The following MAP3K6 variants were observed in gnomAD, a reference collection of about 807,000 sequenced individuals.
MAP3K6 encodes apoptosis signal-regulating kinase 2.
In MAP3K6, 105 loss-of-function variants were observed where a neutral mutation model predicts 147.1. The ratio of observed to expected loss-of-function variants is 0.71; its 90% CI spans 0.61 to 0.84. MAP3K6 has a LOEUF of 0.84. Ranked by LOEUF, MAP3K6 falls within the 40% of genes least tolerant of loss-of-function variation. The probability of loss-of-function intolerance (pLI) is 0.00; values close to 1 mark genes in which losing one functional copy is unlikely to be tolerated. For missense variants in MAP3K6, 1,569 were observed against 1,715.0 expected (o/e 0.91, Z 1.50); for synonymous variants, 695 against 732.4 (o/e 0.95, Z 0.82).
intron 5 of MAP3K6, among the ~76,000 whole-genome samples, 175 bp from the exon 6 acceptor site, chr1:27,363,723 G>A (rs918909283): frequency 4.6e-5 from 7 of 152,206 alleles, no homozygotes; most frequent in East Asian, 1.9e-4. Context: ...CATGCTGGGC[G>A]TTCCCAACCC....
rs1212855749 is a variant in MAP3K6, at chr1:27,361,718, C to T, written c.1565G>A (p.Gly522Asp). 1 of 1,613,234 alleles carries T rather than the reference C, an allele frequency of 6.2e-7. No individual in the cohort carries two copies. Among genetic ancestry groups the T allele is most frequent in the African/African-American group, 1.3e-5 (1 of 74,930 alleles). ...TACAGGCCTCACCAAGCACTGGTCG[C>T]CCTGGGCACAGGCTGTCTTGAATGG... ...CQPFKTACAQ[G>D]DQCLVLVLEM... Residue 522 changes from glycine to aspartate, a missense_variant, in exon 10 of 29, where the codon GGC becomes GAC. Coordinates refer to ENST00000357582, the MANE Select transcript of MAP3K6 (RefSeq NM_004672.5).
In MAP3K6 at chr1:27,361,366, G is replaced by C; in HGVS notation, c.1716C>G (p.Val572=). 1 of 1,613,966 alleles carries C rather than the reference G, an allele frequency of 6.2e-7. No homozygotes were observed. Among genetic ancestry groups the C allele is most frequent in the Non-Finnish European group, 8.5e-7 (1 of 1,180,006 alleles). The stretch of plus-strand genomic sequence containing the variant: ...ATCACCTGACTCCGCATATGGAGGC[G>C]ACTGGGAAGGTCCAGCTGGAGGGAA... ...QDIPSSWTFP[V]ASICGVSASK... Residue 572 remains valine, a synonymous_variant, in exon 12 of 29, where the codon GTC becomes GTG. Coordinates refer to ENST00000357582, the MANE Select transcript of MAP3K6 (RefSeq NM_004672.5).
In MAP3K6 at chr1:27,359,464, G is replaced by C; in HGVS notation, c.2378C>G (p.Thr793Ser). 1 of 1,614,144 alleles carries C rather than the reference G, an allele frequency of 6.2e-7. No homozygotes were observed. Among genetic ancestry groups the C allele is most frequent in the Non-Finnish European group, 8.5e-7 (1 of 1,180,020 alleles). ...SGLLKISDFG[T>S]SKRLAGITPC... The stretch of plus-strand genomic sequence containing the variant: ...TGTGATGCCTGCCAGCCGCTTGGAG[G>C]TGCCGAAGTCAGAAATCTTGAGCAG... Residue 793 changes from threonine to serine, a missense_variant, in exon 18 of 29, where the codon ACC becomes AGC. Coordinates refer to ENST00000357582, the MANE Select transcript of MAP3K6 (RefSeq NM_004672.5). This position sits in a 1 kb window ranked among gnomAD's most constrained non-coding sequence, Gnocchi z 4.4.
In MAP3K6 at chr1:27,366,258, C is replaced by G; in HGVS notation, c.340G>C (p.Asp114His). Residue 114 changes from aspartate to histidine, a missense_variant and splice_region_variant, in exon 1 of 29, where the codon GAT becomes CAT. Physicochemically the swap from Asp to His is moderately conservative, Grantham distance 81 (BLOSUM62 -1). Transcript: ENST00000357582. The surrounding 1 kb of genome is among the most constrained non-coding windows in gnomAD (Gnocchi z 5.5). ...CCGGCCCCGCCCCCAGCGCTCTCAC[C>G]CGCGTTGTAGAAGGCATCCAGAGCC... ...TAALDAFYNA[D>H]VVVLEVSSSL... The G allele has an allele frequency of 7.5e-7, 1 of 1,327,382 alleles. No homozygotes were observed. The highest frequency in any genetic ancestry group is 9.6e-7 in the Non-Finnish European group (1 of 1,040,184). 82.2% of individuals were successfully genotyped at this position (1,327,382 alleles called of 1,614,324 possible). A position where few individuals can be genotyped will look rare whatever the true frequency, so the allele number is the denominator to read the frequency against.
Position 27,357,103 on chromosome 1 carries a change from G to C in MAP3K6, c.3270C>G (p.Ile1090Met). Residue 1090 changes from isoleucine to methionine, a missense_variant, in exon 24 of 29, where the codon ATC (isoleucine) becomes ATG (methionine). By Grantham distance (10) the Ile-to-Met change is conservative. Transcript: ENST00000357582. The part of the protein sequence containing the change: ...LFAFPDAVKQ[I>M]LRKRQIRPHW... ...GTGGACGGATCTGGCGCTTGCGGAG[G>C]ATCTGCTTCACCTGCAGGGGGAGGG... 6.2e-7 allele frequency: 1 copy of C among 1,613,854 alleles called. No homozygotes were observed. The highest frequency in any genetic ancestry group is 8.5e-7 in the Non-Finnish European group (1 of 1,179,870).
Position 27,360,704 on chromosome 1 carries a change from C to T in MAP3K6, c.2054+1G>A, listed in dbSNP as rs1038006707. The T allele has an allele frequency of 6.2e-7, 1 of 1,610,942 alleles. No individual in the cohort carries two copies. The highest frequency in any genetic ancestry group is 1.3e-5 in the African/African-American group (1 of 75,018). ...CCCACCCGCGCTGCCACGCACCGCA[C>T]CTGCTGTCCCGCTCCGGGATCTCCT... On this transcript the variant is annotated splice_donor_variant, in intron 15 of 28. Coordinates refer to ENST00000357582, the MANE Select transcript of MAP3K6 (RefSeq NM_004672.5). LOFTEE classifies it high-confidence loss of function. The surrounding 1 kb of genome is among the most constrained non-coding windows in gnomAD (Gnocchi z 4.5).
chr1:27,361,584 A>G lies in MAP3K6; in HGVS notation c.1622T>C (p.Leu541Pro). The G allele has an allele frequency of 6.2e-7, 1 of 1,614,176 alleles. No homozygotes were observed. Among genetic ancestry groups the G allele is most frequent in the Non-Finnish European group, 8.5e-7 (1 of 1,180,032 alleles). Residue 541 changes from leucine to proline, a missense_variant, in exon 11 of 29, where the codon CTC (leucine) becomes CCC (proline). Leu to Pro is a moderately conservative substitution (Grantham distance 98). Transcript: ENST00000357582. ...TACTGGGTCAGTACCCCGAACCTCGAGCTTTGCAGGCAGCAGCACCTTGTT... is the reference window on the plus strand; with the variant it reads ...TACTGGGTCAGTACCCCGAACCTCGGGCTTTGCAGGCAGCAGCACCTTGTT... The part of the protein sequence containing the change: ...EMNKVLLPAK[L>P]EVRGTDPVST...
chr1:27,363,486 G>C lies in MAP3K6; in HGVS notation c.927C>G (p.Ala309=), dbSNP rs765261713. The stretch of plus-strand genomic sequence containing the variant: ...AGTGGAAGCAGACATTATGCTGCTC[G>C]GCCACATCACAGGTGGGCAAGGCCT... ...TLQALPTCDV[A]EQHNVCFHYT... Residue 309 remains alanine, a synonymous_variant, in exon 6 of 29, where the codon GCC becomes GCG. Transcript: ENST00000357582. 2 of 1,613,642 alleles carry C rather than the reference G, an allele frequency of 1.2e-6. No homozygotes were observed. The highest frequency in any genetic ancestry group is 1.7e-6 in the Non-Finnish European group (2 of 1,179,812).
rs202164328 is a variant in MAP3K6, at chr1:27,364,922, C to G, written c.341-10G>C. 2.5e-6 allele frequency: 4 copies of G among 1,576,008 alleles called. No homozygotes were observed. The highest frequency in any genetic ancestry group is 3.5e-6 in the Non-Finnish European group (4 of 1,156,650). ...TCCAGCACCACCACATCTGCAGGCA[C>G]AGAGGGGGTGGCGCTGATCCCTGAA... On this transcript the variant is annotated splice_polypyrimidine_tract_variant and intron_variant, in intron 1 of 28. Coordinates refer to ENST00000357582, the MANE Select transcript of MAP3K6 (RefSeq NM_004672.5). The surrounding 1 kb of genome is among the most constrained non-coding windows in gnomAD (Gnocchi z 4.4).
In MAP3K6 at chr1:27,358,768, T is replaced by C; in HGVS notation, c.2524A>G (p.Met842Val). 6.2e-7 allele frequency: 1 copy of C among 1,613,984 alleles called. No individual in the cohort carries two copies. Among genetic ancestry groups the C allele is most frequent in the Non-Finnish European group, 8.5e-7 (1 of 1,179,972 alleles). ...IWSLGCTVIEMATGRPPFHEL... is the reference protein window; with the variant it reads ...IWSLGCTVIEVATGRPPFHEL... ...TGGAAGGGGGGGCGACCTGTGGCCA[T>C]CTCAATGACAGTGCAGCCCAGTGAC... The change falls in exon 19 of 29, where the codon ATG becomes GTG. Residue 842 changes from methionine to valine, a missense_variant. Coordinates refer to ENST00000357582, the MANE Select transcript of MAP3K6 (RefSeq NM_004672.5). This position sits in a 1 kb window ranked among gnomAD's most constrained non-coding sequence, Gnocchi z 6.2.
At position 27,366,420 on chromosome 1, in the gene MAP3K6, C is replaced by G. The variant is rs1490261350; in HGVS notation, c.178G>C (p.Glu60Gln). 1 of 1,223,144 alleles carries G rather than the reference C, an allele frequency of 8.2e-7. No homozygotes were observed. Among genetic ancestry groups the G allele is most frequent in the Non-Finnish European group, 1.0e-6 (1 of 982,278 alleles). 75.8% of individuals were successfully genotyped at this position (1,223,144 alleles called of 1,614,324 possible). A position where few individuals can be genotyped will look rare whatever the true frequency, so the allele number is the denominator to read the frequency against. The change falls in exon 1 of 29, where the codon GAG becomes CAG. Residue 60 changes from glutamate to glutamine, a missense_variant. By Grantham distance (29) the Glu-to-Gln change is conservative (BLOSUM62 2). Coordinates refer to ENST00000357582, the MANE Select transcript of MAP3K6 (RefSeq NM_004672.5). This position sits in a 1 kb window ranked among gnomAD's most constrained non-coding sequence, Gnocchi z 5.5. ...TCCGCCTCGGTTCCCTCCCGAGGCT[C>G]GAGCCCGGGCTGCGGCTCCCGGGTC... ...VLTREPQPGL[E>Q]PREGTEAEPL...
At position 27,364,630 on chromosome 1, in the gene MAP3K6, C is replaced by T. The variant is rs757145774; in HGVS notation, c.504+31G>A. 6.2e-7 allele frequency: 1 copy of T among 1,614,122 alleles called. No homozygotes were observed. The highest frequency in any genetic ancestry group is 8.5e-7 in the Non-Finnish European group (1 of 1,179,984). On this transcript the variant is annotated intron_variant, in intron 3 of 28. Coordinates refer to ENST00000357582, the MANE Select transcript of MAP3K6 (RefSeq NM_004672.5). This position sits in a 1 kb window ranked among gnomAD's most constrained non-coding sequence, Gnocchi z 4.4. ...AGAGGTCATAGCGGAAGTCAAAGGG[C>T]ACTTTTGAGTGAGAGGTGGATTCTG... is the stretch of plus-strand genomic sequence containing the variant.
chr1:27,358,851 A>C lies in MAP3K6; in HGVS notation c.2441T>G (p.Met814Arg). 6.3e-7 allele frequency: 1 copy of C among 1,588,212 alleles called. No homozygotes were observed. The highest frequency in any genetic ancestry group is 8.6e-7 in the Non-Finnish European group (1 of 1,166,842). Residue 814 changes from methionine (M) to arginine (R), a missense_variant, in exon 19 of 29, where the codon ATG (methionine) becomes AGG (arginine). Met to Arg is a moderately conservative substitution (Grantham distance 91, BLOSUM62 -1). Coordinates refer to ENST00000357582, the MANE Select transcript of MAP3K6 (RefSeq NM_004672.5). This position sits in a 1 kb window ranked among gnomAD's most constrained non-coding sequence, Gnocchi z 6.2. Reference sequence around the variant, plus strand: ...GCCCTGGTCAATGATTTCTGGGGCCATATACTGCAGAGTTCCTAGGACAGA... The same window carrying C: ...GCCCTGGTCAATGATTTCTGGGGCCCTATACTGCAGAGTTCCTAGGACAGA... ...TETFTGTLQY[M>R]APEIIDQGPR...
rs1430759089 is a variant in MAP3K6 at position 27,360,870 on chromosome 1, C to A, written c.1921-32G>T. The A allele has an allele frequency of 6.2e-7, 1 of 1,611,280 alleles. No individual in the cohort carries two copies. Among genetic ancestry groups the A allele is most frequent in the Non-Finnish European group, 8.5e-7 (1 of 1,179,056 alleles). ...GGCGCGGGGTGAGATGGGAGTTCAGCAGGGCCCGCGGCCCCTCGCCCTCCG... is the reference window on the plus strand; with the variant it reads ...GGCGCGGGGTGAGATGGGAGTTCAGAAGGGCCCGCGGCCCCTCGCCCTCCG... On this transcript the variant is annotated intron_variant, in intron 14 of 28. Coordinates refer to ENST00000357582, the MANE Select transcript of MAP3K6 (RefSeq NM_004672.5). The surrounding 1 kb of genome is among the most constrained non-coding windows in gnomAD (Gnocchi z 4.5).
At chr1:27,357,227 G>A in intron 23 of MAP3K6, 113 bp from the exon 24 acceptor site, 2 of 1,262,770 alleles carry the variant, frequency 1.6e-6, no homozygotes, top group Non-Finnish European at 2.2e-6. Context: ...GGGCGGGCTT[G>A]AGGTCCAGGG....
chr1:27,360,592 A>G lies in MAP3K6; in HGVS notation c.2054+113T>C. 2 of 1,452,384 alleles carry G rather than the reference A, an allele frequency of 1.4e-6. No individual in the cohort carries two copies. Among genetic ancestry groups the G allele is most frequent in the South Asian group, 1.4e-5 (1 of 73,340 alleles). The allele number at this position is 1,452,384 out of a possible 1,614,324, so 90.0% of individuals were successfully genotyped here. A position where few individuals can be genotyped will look rare whatever the true frequency, so the allele number is the denominator to read the frequency against. On this transcript the variant is annotated intron_variant, in intron 15 of 28. Coordinates refer to ENST00000357582, the MANE Select transcript of MAP3K6 (RefSeq NM_004672.5). This position sits in a 1 kb window ranked among gnomAD's most constrained non-coding sequence, Gnocchi z 4.5. ...CCCAGTCCACAGGGCTCGAACTCTC[A>G]GGTCCTACGAGCCCGCCCACTAGGC...
Position 27,356,046 on chromosome 1 carries a change from C to A in MAP3K6, c.3691G>T (p.Asp1231Tyr). The change falls in exon 27 of 29, where the codon GAT becomes TAT. Residue 1231 changes from aspartate to tyrosine, a missense_variant. Coordinates refer to ENST00000357582, the MANE Select transcript of MAP3K6 (RefSeq NM_004672.5). ...LVQWLQELNV[D>Y]SGTIQMLLNH... Reference sequence around the variant, plus strand: ...CTCACCATTTGGATGGTGCCTGAATCCACATTCAGTTCCTGTAGCCACTGC... The same window carrying A: ...CTCACCATTTGGATGGTGCCTGAATACACATTCAGTTCCTGTAGCCACTGC... 1 of 1,614,164 alleles carries A rather than the reference C, an allele frequency of 6.2e-7. No homozygotes were observed. The highest frequency in any genetic ancestry group is 8.5e-7 in the Non-Finnish European group (1 of 1,180,026).
chr1:27,355,695 T>A lies in MAP3K6; in HGVS notation c.3762A>T (p.Arg1254=), dbSNP rs370697919. 6.2e-7 allele frequency: 1 copy of A among 1,612,104 alleles called. No homozygotes were observed. The highest frequency in any genetic ancestry group is 1.3e-5 in the African/African-American group (1 of 74,482). ...TLHTLLTYAT[R]DDLIYTRIRG... is the part of the protein sequence containing the mutation. ...TGATGCGGGTGTAGATGAGGTCATC[T>A]CGAGTGGCATAGGTGAGCAGAGTGT... is the stretch of plus-strand genomic sequence containing the variant. The change falls in exon 28 of 29, where the codon CGA becomes CGT. Residue 1254 remains arginine (R), a synonymous_variant. Coordinates refer to ENST00000357582, the MANE Select transcript of MAP3K6 (RefSeq NM_004672.5).
chr1:27,357,825 C>G lies in MAP3K6; in HGVS notation c.2967G>C (p.Ser989=), dbSNP rs767563402. Residue 989 remains serine (S), a synonymous_variant, in exon 22 of 29, where the codon TCG becomes TCC. Coordinates refer to ENST00000357582, the MANE Select transcript of MAP3K6 (RefSeq NM_004672.5). ...AEEPASPEES[S]GLSLLHQESK... is the part of the protein sequence containing the mutation. ...TCTCCTGGTGCAGCAGGCTCAGCCC[C>G]GAACTCTCCTCCGGAGACGCAGGCT... 6.9e-6 allele frequency: 11 copies of G among 1,602,800 alleles called. No individual in the cohort carries two copies. In the Admixed American group the frequency reaches 1.7e-4, roughly 25 times the overall value.
Sources: gnomAD v4.1 joint callset for allele counts (sites outside exome capture counted in the v4.1 genomes callset) on GRCh38, gnomAD v4.1.1 for gene constraint, Gnocchi (gnomAD v3.1) non-coding constraint, MANE v1.5 for transcripts, NCBI Gene and HGNC (gene_info 2026-07-23, HGNC 2026-07-21) for gene names.